Variants in ADGRL2 observed in about 807,000 individuals in gnomAD.
ADGRL2 encodes calcium-independent alpha-latrotoxin receptor 2.
ADGRL2 carries 44 observed loss-of-function variants against 157.4 expected under a neutral mutation model. That is an observed-to-expected ratio of 0.28 (90% CI 0.22 to 0.36). The LOEUF (loss-of-function observed/expected upper bound fraction) is 0.36, where lower values mean the gene tolerates loss of function less well. Ranked by LOEUF, ADGRL2 falls within the 10% of genes least tolerant of loss-of-function variation. ADGRL2 has a pLI of 1.00. For missense variants in ADGRL2, 1,510 were observed against 1,768.9 expected (o/e 0.85, Z 2.63); for synonymous variants, 585 against 624.7 (o/e 0.94, Z 0.95).
In ADGRL2 at chr1:81,785,722, C is replaced by T. The variant is rs150624228; in HGVS notation, c.-101+23870C>T. 7.9e-4 allele frequency among the ~76,000 whole-genome samples: 120 copies of T among 151,750 alleles called. No individual in the cohort carries two copies. In the East Asian group the frequency reaches 0.018, roughly 23 times the overall value. Reference sequence around the variant, plus strand: ...TAGCCTGAGCGACAAAGTGAGACCCCGTGTCTAAAAAAACGACAACAAAAA... The same window carrying T: ...TAGCCTGAGCGACAAAGTGAGACCCTGTGTCTAAAAAAACGACAACAAAAA... On this transcript the variant is annotated intron_variant, in intron 2 of 20. Coordinates refer to the ADGRL2 transcript ENST00000359929.
chr1:81,680,116 G>C (rs1458457888), intron 3 of ADGRL2, among the ~76,000 whole-genome samples: 4 of 152,174 alleles, frequency 2.6e-5, no homozygotes, highest in Admixed American at 6.5e-5. Flanking sequence ...TTGATGCACT[G>C]TTCCCTTGGG....
Position 81,969,198 on chromosome 1 carries a change from A to G in ADGRL2, c.2544A>G (p.Glu848=). 6.2e-7 allele frequency: 1 copy of G among 1,613,602 alleles called. No homozygotes were observed. The highest frequency in any genetic ancestry group is 8.5e-7 in the Non-Finnish European group (1 of 1,179,602). Residue 848 remains glutamate, a synonymous_variant, in exon 15 of 24, where the codon GAA becomes GAG. Coordinates refer to ENST00000686636, the MANE Select transcript of ADGRL2 (RefSeq NM_001366006.2). ...REIAYKDGVH[E]LLLTVITWVG... ...TTCAGTATAAAGATGGCGTTCATGAATTACTTCTTACAGTCATCACCTGGG... is the reference window on the plus strand; with the variant it reads ...TTCAGTATAAAGATGGCGTTCATGAGTTACTTCTTACAGTCATCACCTGGG...
In ADGRL2 at chr1:81,711,221, A is replaced by G. The variant is rs757907616; in HGVS notation, c.-143+11413A>G. On this transcript the variant is annotated intron_variant, in intron 1 of 20. Transcript: ENST00000359929. ...GCATGTTTGAATTTTATCATTGGCAATAAGTACTGTTGATTGTTTTCCTTG... is the reference window on the plus strand; with the variant it reads ...GCATGTTTGAATTTTATCATTGGCAGTAAGTACTGTTGATTGTTTTCCTTG... Among the ~76,000 whole-genome samples the G allele has an allele frequency of 2.6e-5, 4 of 152,228 alleles. 1 individual carries two copies. Among genetic ancestry groups the G allele is most frequent in the African/African-American group, 4.8e-5 (2 of 41,468 alleles).
At chr1:81,925,508 T>A (rs535609545) in intron 3 of ADGRL2, among the ~76,000 whole-genome samples, 1 of 151,156 alleles carries the variant, frequency 6.6e-6, no homozygotes, top group East Asian at 1.9e-4. Context: ...TTGGGAAAGA[T>A]CCATAATTCG....
intron 3 of ADGRL2, chr1:81,596,433 G>A (rs1180263538): frequency 4.4e-6 from 2 of 459,674 alleles, no homozygotes; most frequent in Non-Finnish European, 8.4e-6. Context: ...ATTGCAGCTC[G>A]TTAGAGTGAT....
At chr1:81,616,516 A>T (rs2081649273) in intron 3 of ADGRL2, among the ~76,000 whole-genome samples, 1 of 151,934 alleles carries the variant, frequency 6.6e-6, no homozygotes, top group Admixed American at 6.6e-5. Flanking sequence ...TACTTTTCTG[A>T]TTGTCCATTC....
At chr1:81,744,389 A>G (rs2085174394) in intron 1 of ADGRL2, among the ~76,000 whole-genome samples, 1 of 152,208 alleles carries the variant, frequency 6.6e-6, no homozygotes, top group South Asian at 2.1e-4. Context: ...GCTCAAAGTC[A>G]CACAGATAGT....
chr1:81,485,435 T>C (rs2078479856), intron 2 of ADGRL2, among the ~76,000 whole-genome samples: 1 of 152,158 alleles, frequency 6.6e-6, no homozygotes, highest in Non-Finnish European at 1.5e-5. Flanking sequence ...CATATTATAA[T>C]TGTATACTTT....
At chr1:81,956,406 T>C (rs1357391259) in intron 11 of ADGRL2, among the ~76,000 whole-genome samples, 3 of 152,222 alleles carry the variant, frequency 2.0e-5, no homozygotes, top group Non-Finnish European at 4.4e-5. Flanking sequence ...TTATATAATA[T>C]GTTCCTAATG....
At chr1:81,779,975 T>TATGTTGCAGCTCTGCCAAC (rs1331452503) in intron 2 of ADGRL2, among the ~76,000 whole-genome samples, 2 of 152,206 alleles carry the variant, frequency 1.3e-5, no homozygotes, top group African/African-American at 2.4e-5. Flanking sequence ...AACACTAAGA[T>TATGTTGCAGCTCTGCCAAC]ATGTTGCAGC....
At chr1:81,521,961 C>CTTT (rs1350142197) in intron 2 of ADGRL2, among the ~76,000 whole-genome samples, 1 of 142,638 alleles carries the variant, frequency 7.0e-6, no homozygotes, top group African/African-American at 2.8e-5. Context: ...AATAAATGTA[C>CTTT]TTTTTGTTTT....
intron 2 of ADGRL2, among the ~76,000 whole-genome samples, chr1:81,485,301 A>G (rs760979006): frequency 6.6e-5 from 10 of 152,066 alleles, no homozygotes; most frequent in Middle Eastern, 3.2e-3. Flanking sequence ...GTAGGGGTCT[A>G]TAAGAGAAGA....
At chr1:81,795,595 TTGTA>T (rs2087548110), upstream of ADGRL2, among the ~76,000 whole-genome samples, 3 of 152,110 alleles carry the variant, frequency 2.0e-5, no homozygotes, top group African/African-American at 4.8e-5. Context: ...TGCAGAGAGG[TTGTA>T]TGTGAGTTTG....
intron 3 of ADGRL2, chr1:81,586,196 T>C (rs1390115334): frequency 6.6e-6 from 1 of 152,068 alleles, no homozygotes; most frequent in Non-Finnish European, 1.5e-5. Context: ...AGGGTTTTGC[T>C]TAAGGTAGTT....
intron 2 of ADGRL2, among the ~76,000 whole-genome samples, chr1:81,878,072 C>T (rs972666313): frequency 2.6e-5 from 4 of 152,052 alleles, no homozygotes; most frequent in African/African-American, 7.2e-5. Context: ...GTTTCTGCTC[C>T]TAAAAATTGG....
chr1:81,625,066 C>A (rs1220976961), intron 3 of ADGRL2, among the ~76,000 whole-genome samples: 1 of 152,132 alleles, frequency 6.6e-6, no homozygotes, highest in Non-Finnish European at 1.5e-5. Flanking sequence ...CAATTAATCC[C>A]AACACCTTCA....
chr1:81,581,689 A>G (rs2080913110), intron 3 of ADGRL2, among the ~76,000 whole-genome samples: 1 of 152,140 alleles, frequency 6.6e-6, no homozygotes, highest in Admixed American at 6.6e-5. Context: ...TACATGATAT[A>G]TATTTCATCA....
At chr1:81,454,999 C>T (rs1156985395) in intron 2 of ADGRL2, among the ~76,000 whole-genome samples, 2 of 152,278 alleles carry the variant, frequency 1.3e-5, no homozygotes, top group African/African-American at 2.4e-5. Flanking sequence ...CCCAAAGATC[C>T]GTTAGATGAC....
At chr1:81,494,110 C>G (rs2078685737) in intron 2 of ADGRL2, among the ~76,000 whole-genome samples, 1 of 152,122 alleles carries the variant, frequency 6.6e-6, no homozygotes, top group Non-Finnish European at 1.5e-5. Context: ...TCTAATAGCA[C>G]CAAGTTTTGC....
Sources: gnomAD v4.1 joint callset for allele counts (sites outside exome capture counted in the v4.1 genomes callset) on GRCh38, gnomAD v4.1.1 for gene constraint, MANE v1.5 for transcripts, NCBI Gene and HGNC (gene_info 2026-07-23, HGNC 2026-07-21) for gene names.